The following ADA2 variants were observed in gnomAD, a reference collection of about 807,000 sequenced individuals.
ADA2 encodes adenosine deaminase 2.
A neutral mutation model predicts 44.2 loss-of-function variants in ADA2; 29 were observed. The ratio of observed to expected loss-of-function variants is 0.66; its 90% CI spans 0.49 to 0.89. ADA2 has a LOEUF of 0.89. Ranked by LOEUF, ADA2 falls within the 40% of genes least tolerant of loss-of-function variation. The pLI is 0.00. For missense variants in ADA2, 637 were observed against 644.8 expected (o/e 0.99, Z 0.13); for synonymous variants, 215 against 234.9 (o/e 0.92, Z 0.77).
chr22:17,188,250 G>C (rs757020211), intron 7 of ADA2, 89 bp downstream of exon 7: 3 of 889,794 alleles, frequency 3.4e-6, no homozygotes, highest in Non-Finnish European at 5.5e-6. Flanking sequence ...GGAAACGCCT[G>C]TAGGCTCTAA....
chr22:17,187,856 G>A (rs1018657788), intron 7 of ADA2, among the ~76,000 whole-genome samples: 1 of 151,956 alleles, frequency 6.6e-6, no homozygotes, highest in Non-Finnish European at 1.5e-5. Context: ...TGTAATTCCA[G>A]CACTTTGGGA....
At chr22:17,204,776 T>G (rs367867007) in intron 3 of ADA2, among the ~76,000 whole-genome samples, 18 of 148,892 alleles carry the variant, frequency 1.2e-4, no homozygotes, top group African/African-American at 4.0e-4. Flanking sequence ...TCCAGAACCA[T>G]GAGAAAATCA....
intron 3 of ADA2, among the ~76,000 whole-genome samples, chr22:17,205,975 A>C (rs1279146227): frequency 6.6e-6 from 1 of 152,166 alleles, no homozygotes; most frequent in Non-Finnish European, 1.5e-5. Flanking sequence ...ACTCCAGCCT[A>C]GATGATAGAA....
At chr22:17,212,225 C>A (rs141614334) in intron 1 of ADA2, among the ~76,000 whole-genome samples, 109 of 152,102 alleles carry the variant, frequency 7.2e-4, no homozygotes, top group African/African-American at 2.2e-3. Context: ...TGGGGTTTCA[C>A]CACGTTGGTT....
Position 17,191,679 on chromosome 22 carries a change from TCA to T in ADA2, c.881+2_881+3del, listed in dbSNP as rs1451628031. ...CCGAGCTTTTCAGCAATATTCTCTC[TCA>T]CCTGTGATCCGAATAAATGATTTTG... On this transcript the variant is annotated splice_donor_variant and splice_donor_region_variant and intron_variant, in intron 5 of 9. Transcript: ENST00000399837. LOFTEE classifies it high-confidence loss of function. 6.2e-7 allele frequency: 1 copy of T among 1,612,098 alleles called. No homozygotes were observed. The highest frequency in any genetic ancestry group is 1.1e-5 in the South Asian group (1 of 91,006).
At chr22:17,182,841 G>A (rs1434232835) in intron 7 of ADA2, 80 bp from the exon 8 acceptor site, 31 of 1,442,000 alleles carry the variant, frequency 2.1e-5, no homozygotes, top group Middle Eastern at 2.5e-4. Flanking sequence ...TGACCCACCC[G>A]CCCCCCGACC....
rs752656709 is a variant in ADA2 at position 17,207,059 on chromosome 22, AC to A, written c.542+11del. On this transcript the variant is annotated intron_variant, in intron 3 of 9. Transcript: ENST00000399837. ...CAGGCCTGGGACATGTGCTTTCTGA[AC>A]TACTACTCACCTGTCATCAAACTCA... The A allele has an allele frequency of 6.2e-7, 1 of 1,606,222 alleles. No homozygotes were observed. Among genetic ancestry groups the A allele is most frequent in the Non-Finnish European group, 8.5e-7 (1 of 1,173,092 alleles).
chr22:17,207,819 C>T (rs2062372049), intron 2 of ADA2, among the ~76,000 whole-genome samples: 1 of 152,136 alleles, frequency 6.6e-6, no homozygotes, highest in Non-Finnish European at 1.5e-5. Context: ...TGTCCTCCAT[C>T]CTCTCATCCT....
intron 7 of ADA2, among the ~76,000 whole-genome samples, chr22:17,184,934 G>A (rs2062017937): frequency 1.9e-4 from 1 of 5,142 alleles, no homozygotes; most frequent in South Asian, 3.7e-3. Context: ...GTAGTGAGCT[G>A]TCATCACACC....
At chr22:17,186,056 T>G (rs1319644905) in intron 7 of ADA2, among the ~76,000 whole-genome samples, 3 of 152,202 alleles carry the variant, frequency 2.0e-5, no homozygotes, top group Non-Finnish European at 4.4e-5. Flanking sequence ...AAGATGTGGC[T>G]GGGCTGATGG....
intron 4 of ADA2, among the ~76,000 whole-genome samples, chr22:17,192,497 G>C (rs897242153): frequency 6.6e-6 from 1 of 152,144 alleles, no homozygotes; most frequent in Non-Finnish European, 1.5e-5. Flanking sequence ...AGAGTGGGGA[G>C]AGTTGGGAGT....
chr22:17,206,459 C>T (rs1179856769), intron 3 of ADA2, among the ~76,000 whole-genome samples: 6 of 152,024 alleles, frequency 3.9e-5, no homozygotes, highest in African/African-American at 1.4e-4. Flanking sequence ...ACCTGGGTGA[C>T]AGAGCAAGAC....
At chr22:17,220,201 TA>T (rs1267239908), upstream of ADA2, among the ~76,000 whole-genome samples, 11 of 150,234 alleles carry the variant, frequency 7.3e-5, no homozygotes, top group South Asian at 4.2e-4. Flanking sequence ...ATATATGTTT[TA>T]GGGGGGAAAT....
At chr22:17,213,540 C>A in intron 1 of ADA2, 1 of 296,968 alleles carries the variant, frequency 3.4e-6, no homozygotes, top group Non-Finnish European at 6.7e-6. Context: ...ACAAAAAGGA[C>A]TTCTAAAGCT....
rs758525993 is a variant in ADA2 at position 17,203,761 on chromosome 22, A to G, written c.555T>C (p.Asn185=). 26 of 1,613,296 alleles carry G rather than the reference A, an allele frequency of 1.6e-5. No homozygotes were observed. The Admixed American group carries it at 2.8e-4, about 18-fold the overall frequency. The change falls in exon 4 of 10, where the codon AAT becomes AAC. Residue 185 remains asparagine, a synonymous_variant. Coordinates refer to ENST00000399837, the MANE Select transcript of ADA2 (RefSeq NM_001282225.2). ...CCGGGTGCTGGGTCACCAGAGTGAAATTCCTCAGCAAGCTGTCCAAGACAC... is the reference window on the plus strand; with the variant it reads ...CCGGGTGCTGGGTCACCAGAGTGAAGTTCCTCAGCAAGCTGTCCAAGACAC... ...VTEFDDSLLR[N]FTLVTQHPEV... is the part of the protein sequence containing the mutation.
In ADA2 at chr22:17,179,092, G is replaced by T. The variant is rs1477873348; in HGVS notation, c.*2391C>A. 6.6e-6 allele frequency: 1 copy of T among 152,230 alleles called. No individual in the cohort carries two copies. Among genetic ancestry groups the T allele is most frequent in the African/African-American group, 2.4e-5 (1 of 41,466 alleles). 9.4% of individuals were successfully genotyped at this position (152,230 alleles called of 1,614,324 possible). A position where few individuals can be genotyped will look rare whatever the true frequency, so the allele number is the denominator to read the frequency against. ...AGCTCAGGTACAGGTCATGGAAGATGGATGAGAGGACATTCGCCTGGGGCT... is the reference window on the plus strand; with the variant it reads ...AGCTCAGGTACAGGTCATGGAAGATTGATGAGAGGACATTCGCCTGGGGCT... On this transcript the variant is annotated 3_prime_UTR_variant, in exon 10 of 10. Transcript: ENST00000399837.
intron 4 of ADA2, among the ~76,000 whole-genome samples, chr22:17,195,849 C>T (rs949895981): frequency 1.3e-5 from 2 of 151,730 alleles, no homozygotes; most frequent in African/African-American, 2.4e-5. Context: ...TAACCTCCAC[C>T]TCCTGGGTTC....
At position 17,187,391 on chromosome 22, in the gene ADA2, G is replaced by A. The variant is rs557164006; in HGVS notation, c.1081+948C>T. ...TGGAGTTCAGTGAGCCTGGGCTCAG[G>A]CAATCCTCCCACCTCAGCCTCTAAG... On this transcript the variant is annotated intron_variant, in intron 7 of 9. Transcript: ENST00000399837. Among the ~76,000 whole-genome samples, 4 of 152,048 alleles carry A rather than the reference G, an allele frequency of 2.6e-5. No individual in the cohort carries two copies. In the South Asian group the frequency reaches 6.2e-4, roughly 24 times the overall value.
In ADA2 at chr22:17,182,002, G is replaced by A; in HGVS notation, c.1260C>T (p.Asp420=). 6.2e-7 allele frequency: 1 copy of A among 1,613,894 alleles called. No homozygotes were observed. Among genetic ancestry groups the A allele is most frequent in the Non-Finnish European group, 8.5e-7 (1 of 1,179,882 alleles). Residue 420 remains aspartate, a synonymous_variant, in exon 9 of 10, where the codon GAC becomes GAT. Coordinates refer to ENST00000399837, the MANE Select transcript of ADA2 (RefSeq NM_001282225.2). ...ISNQVLKLVS[D]LRNHPVATLM... ...GAGTGGCTACAGGGTGGTTCCTCAAGTCAGACACCAGTTTCAGCACCTGCG... is the reference window on the plus strand; with the variant it reads ...GAGTGGCTACAGGGTGGTTCCTCAAATCAGACACCAGTTTCAGCACCTGCG...
Sources: allele counts gnomAD v4.1 joint callset (sites outside exome capture counted in the v4.1 genomes callset), GRCh38; gene constraint gnomAD v4.1.1; transcripts MANE v1.5; gene names NCBI Gene and HGNC (gene_info 2026-07-23, HGNC 2026-07-21).